The following CYP19A1 variants were observed in gnomAD, a reference collection of about 807,000 sequenced individuals.
CYP19A1 encodes aromatase.
CYP19A1 carries 32 observed loss-of-function variants against 44.4 expected under a neutral mutation model. That is an observed-to-expected ratio of 0.72 (90% confidence interval 0.54 to 0.97). CYP19A1 has a LOEUF of 0.97. CYP19A1 is among the 50% of genes least tolerant of loss of function. The pLI is 0.00. For missense variants in CYP19A1, 598 were observed against 637.8 expected (o/e 0.94, Z 0.67); for synonymous variants, 212 against 215.6 (o/e 0.98, Z 0.14).
At chr15:51,225,425 G>A (rs2032490123) in intron 4 of CYP19A1, among the ~76,000 whole-genome samples, 2 of 152,234 alleles carry the variant, frequency 1.3e-5, no homozygotes, top group South Asian at 4.2e-4. Context: ...TATTTCATTT[G>A]TTCTTCACAA....
chr15:51,290,565 C>T (rs1416129927), intron 1 of CYP19A1, among the ~76,000 whole-genome samples: 1 of 152,146 alleles, frequency 6.6e-6, no homozygotes, highest in African/African-American at 2.4e-5. Context: ...ATATAGGGAG[C>T]TTTCAGAGGA....
intron 1 of CYP19A1, among the ~76,000 whole-genome samples, chr15:51,267,956 G>A (rs1368182501): frequency 6.6e-6 from 1 of 152,190 alleles, no homozygotes; most frequent in Non-Finnish European, 1.5e-5. Context: ...CCACCCTGGG[G>A]AAGAAGCAGA....
At position 51,227,031 on chromosome 15, in the gene CYP19A1, G is replaced by T. The variant is rs192262971; in HGVS notation, c.451+748C>A. 2.0e-5 allele frequency among the ~76,000 whole-genome samples: 3 copies of T among 152,066 alleles called. 1 individual carries two copies. The highest frequency in any genetic ancestry group is 7.3e-5 in the African/African-American group (3 of 41,342). On this transcript the variant is annotated intron_variant, in intron 4 of 9. Transcript: ENST00000396402. ...CACTCAGCAAACACATTGTTTGGCCGTGTTTAAATCAAACATATGGGTGAC... is the reference window on the plus strand; with the variant it reads ...CACTCAGCAAACACATTGTTTGGCCTTGTTTAAATCAAACATATGGGTGAC...
At chr15:51,292,239 A>G (rs1299180959) in intron 1 of CYP19A1, among the ~76,000 whole-genome samples, 1 of 152,204 alleles carries the variant, frequency 6.6e-6, no homozygotes, top group Non-Finnish European at 1.5e-5. Context: ...ATCATCTCCA[A>G]CTAGGGTTAA....
chr15:51,255,453 T>C (rs1422400603), intron 1 of CYP19A1: 1 of 152,202 alleles, frequency 6.6e-6, no homozygotes, highest in African/African-American at 2.4e-5. Context: ...TTAAAGTAAT[T>C]AAAAGGAATC....
chr15:51,259,390 C>T (rs1193405305), intron 1 of CYP19A1, among the ~76,000 whole-genome samples: 3 of 152,140 alleles, frequency 2.0e-5, no homozygotes, highest in African/African-American at 7.2e-5. Context: ...CAGAGAGAAA[C>T]CAGATTGTTT....
At chr15:51,267,491 C>T (rs1369529101) in intron 1 of CYP19A1, among the ~76,000 whole-genome samples, 1 of 152,154 alleles carries the variant, frequency 6.6e-6, no homozygotes, top group African/African-American at 2.4e-5. Context: ...GGCGACCCAG[C>T]GTGGCGGCGA....
At chr15:51,303,821 G>T (rs1324425013) in intron 1 of CYP19A1, among the ~76,000 whole-genome samples, 1 of 152,196 alleles carries the variant, frequency 6.6e-6, no homozygotes, top group Non-Finnish European at 1.5e-5. Context: ...GGCTGCAATT[G>T]CACGTGTCCA....
At chr15:51,289,250 G>A (rs904060401) in intron 1 of CYP19A1, among the ~76,000 whole-genome samples, 1 of 152,150 alleles carries the variant, frequency 6.6e-6, no homozygotes, top group East Asian at 1.9e-4. Flanking sequence ...CAAATGCCTT[G>A]TTAGACTGTA....
chr15:51,299,712 C>T (rs1322515358), intron 1 of CYP19A1, among the ~76,000 whole-genome samples: 2 of 152,226 alleles, frequency 1.3e-5, no homozygotes, highest in Non-Finnish European at 2.9e-5. Context: ...CAAGTGCCAC[C>T]TTTCTGGCTT....
intron 1 of CYP19A1, among the ~76,000 whole-genome samples, chr15:51,304,347 T>TA (rs1208249044): frequency 1.7e-4 from 26 of 152,316 alleles, no homozygotes; most frequent in African/African-American, 5.5e-4. Flanking sequence ...AGCCCTTAGC[T>TA]AGTCAGTAAA....
At chr15:51,329,705 A>G (rs563589268) in intron 1 of CYP19A1, among the ~76,000 whole-genome samples, 1 of 152,340 alleles carries the variant, frequency 6.6e-6, no homozygotes, top group African/African-American at 2.4e-5. Flanking sequence ...GATCTCAGAA[A>G]GAAATTGTAA....
intron 1 of CYP19A1, among the ~76,000 whole-genome samples, chr15:51,337,291 CAGA>C (rs2036792472): frequency 6.6e-6 from 1 of 152,180 alleles, no homozygotes; most frequent in Non-Finnish European, 1.5e-5. Flanking sequence ...GCACAAGGCA[CAGA>C]AGAACTAAAG....
intron 1 of CYP19A1, among the ~76,000 whole-genome samples, chr15:51,275,068 T>A (rs932197721): frequency 1.3e-5 from 2 of 152,236 alleles, no homozygotes; most frequent in Non-Finnish European, 2.9e-5. Context: ...GCTTCCACTC[T>A]GCTTGTGCAG....
intron 1 of CYP19A1, among the ~76,000 whole-genome samples, chr15:51,282,147 CATG>C (rs2035540834): frequency 6.6e-6 from 1 of 152,182 alleles, no homozygotes; most frequent in African/African-American, 2.4e-5. Context: ...CCTCCAGACA[CATG>C]ATGATAGTTA....
At position 51,310,794 on chromosome 15, in the gene CYP19A1, C is replaced by T. The variant is rs144228520; in HGVS notation, c.-39+27701G>A. Among the ~76,000 whole-genome samples, 237 of 152,246 alleles carry T rather than the reference C, an allele frequency of 1.6e-3. 3 individuals are homozygous for T. The highest frequency in any genetic ancestry group is 0.01 in the South Asian group (50 of 4,816). On this transcript the variant is annotated intron_variant, in intron 1 of 9. Transcript: ENST00000396402. ...CCAGGAAAAGGAGCTGGTCCTTTTC[C>T]GGCAAGACGGAACTCTTGCAGAGGA...
At chr15:51,268,099 A>C (rs534501576) in intron 1 of CYP19A1, among the ~76,000 whole-genome samples, 1 of 152,302 alleles carries the variant, frequency 6.6e-6, no homozygotes, top group South Asian at 2.1e-4. Context: ...CCCCCATCCC[A>C]TTTAAAGGAC....
At chr15:51,217,208 T>C (rs779694661) in intron 6 of CYP19A1, among the ~76,000 whole-genome samples, 12 of 152,156 alleles carry the variant, frequency 7.9e-5, no homozygotes, top group Non-Finnish European at 1.6e-4. Flanking sequence ...CTGGGAGGTG[T>C]TGGAATGCCC....
chr15:51,313,451 G>A (rs1283044718), intron 1 of CYP19A1, among the ~76,000 whole-genome samples: 2 of 152,184 alleles, frequency 1.3e-5, no homozygotes, highest in African/African-American at 2.4e-5. Context: ...AGAAAATAGA[G>A]AGGTAGCATG....
Sources: allele counts gnomAD v4.1 joint callset (sites outside exome capture counted in the v4.1 genomes callset), GRCh38; gene constraint gnomAD v4.1.1; transcripts MANE v1.5; gene names NCBI Gene and HGNC (gene_info 2026-07-23, HGNC 2026-07-21).